ABL1: variants seen among roughly 807,000 people sequenced by gnomAD.
The protein encoded by ABL1 is ABL proto-oncogene 1, non-receptor tyrosine kinase, also known as tyrosine-protein kinase ABL1.
In ABL1, 11 loss-of-function variants were observed where a neutral mutation model predicts 94.7. That is an observed-to-expected ratio of 0.12 (90% confidence interval 0.07 to 0.19). The LOEUF is 0.19. Among genes scored for constraint, ABL1 ranks in the 10% least tolerant of loss-of-function variants. The probability of loss-of-function intolerance (pLI) is 1.00; values close to 1 mark genes in which losing one functional copy is unlikely to be tolerated. For missense variants in ABL1, 1,082 were observed against 1,489.4 expected, an observed-to-expected ratio of 0.73 and a Z score of 4.50; for synonymous variants, 656 against 622.4, an observed-to-expected ratio of 1.05 and a Z score of -0.80.
chr9:130,715,294 C>A (rs893567815), intron 1 of ABL1, among the ~76,000 whole-genome samples: 1 of 152,150 alleles, frequency 6.6e-6, no homozygotes, highest in South Asian at 2.1e-4. Context: ...ACTGTTGCAG[C>A]CTGACATTTT....
At chr9:130,836,256 G>A (rs756392644) in intron 1 of ABL1, among the ~76,000 whole-genome samples, 11 of 151,960 alleles carry the variant, frequency 7.2e-5, no homozygotes, top group Non-Finnish European at 1.2e-4. Flanking sequence ...GGGCCAGGAG[G>A]GCTTCACTTT....
chr9:130,781,932 C>T (rs1308158790), intron 1 of ABL1, among the ~76,000 whole-genome samples: 2 of 152,200 alleles, frequency 1.3e-5, no homozygotes, highest in Non-Finnish European at 2.9e-5. Flanking sequence ...TTAGCATTCA[C>T]ATATGCACAC....
intron 3 of ABL1, among the ~76,000 whole-genome samples, chr9:130,859,677 CTTTTTTTT>C (rs869234280): frequency 2.5e-5 from 2 of 78,458 alleles, no homozygotes; most frequent in Non-Finnish European, 2.3e-5. Context: ...TCTTTCTTTC[CTTTTTTTT>C]TTTTTTTTTT....
In ABL1 at chr9:130,886,383, A is replaced by G. The variant is rs1427538015; in HGVS notation, c.*700A>G. 4.3e-6 allele frequency: 1 copy of G among 233,848 alleles called. No individual in the cohort carries two copies. The highest frequency in any genetic ancestry group is 2.2e-5 in the African/African-American group (1 of 45,362). 14.5% of individuals were successfully genotyped at this position (233,848 alleles called of 1,614,324 possible). On this transcript the variant is annotated 3_prime_UTR_variant, in exon 11 of 11. Coordinates refer to ENST00000318560, the MANE Select transcript of ABL1 (RefSeq NM_005157.6). ...GGTGGGAGCTGAAAAGGATCGAGGC[A>G]TGGGGCATGTCCTTTCCATCTGTCC...
chr9:130,838,001 T>C (rs1425177803), intron 1 of ABL1, among the ~76,000 whole-genome samples: 2 of 152,248 alleles, frequency 1.3e-5, no homozygotes, highest in African/African-American at 2.4e-5. Flanking sequence ...TCAGCCTAGC[T>C]GTCAAAGCAA....
intron 1 of ABL1, among the ~76,000 whole-genome samples, chr9:130,735,959 ATATT>A (rs1311131361): frequency 3.4e-4 from 28 of 81,724 alleles, no homozygotes; most frequent in South Asian, 7.3e-4. Flanking sequence ...ATATATATAT[ATATT>A]TTTTTTTTTT....
intron 1 of ABL1, among the ~76,000 whole-genome samples, chr9:130,801,078 C>T (rs1283966734): frequency 2.6e-5 from 4 of 151,574 alleles, no homozygotes; most frequent in Non-Finnish European, 4.4e-5. Context: ...TACAGGGGCC[C>T]GCCACCACAC....
At chr9:130,780,960 G>A (rs1174515362) in intron 1 of ABL1, among the ~76,000 whole-genome samples, 1 of 152,208 alleles carries the variant, frequency 6.6e-6, no homozygotes, top group Non-Finnish European at 1.5e-5. Flanking sequence ...TAGCGACTCT[G>A]CAAATGGGTG....
chr9:130,766,889 T>C (rs956927023), intron 1 of ABL1, among the ~76,000 whole-genome samples: 7 of 152,180 alleles, frequency 4.6e-5, no homozygotes, highest in Non-Finnish European at 8.8e-5. Flanking sequence ...ATCTTTTCAC[T>C]ACCCAGTTTC....
At chr9:130,816,240 G>A (rs532205557) in intron 1 of ABL1, among the ~76,000 whole-genome samples, 1 of 152,250 alleles carries the variant, frequency 6.6e-6, no homozygotes, top group Non-Finnish European at 1.5e-5. Flanking sequence ...TGCCAGGAAG[G>A]TGCTTCCTCC....
At chr9:130,801,375 G>A (rs946277829) in intron 1 of ABL1, among the ~76,000 whole-genome samples, 8 of 151,814 alleles carry the variant, frequency 5.3e-5, no homozygotes, top group Admixed American at 3.9e-4. Flanking sequence ...CTACAGGTGC[G>A]TGCCACCACG....
chr9:130,849,687 T>G (rs1396672447), intron 1 of ABL1, among the ~76,000 whole-genome samples: 1 of 152,124 alleles, frequency 6.6e-6, no homozygotes, highest in Non-Finnish European at 1.5e-5. Context: ...CCGGCTAATT[T>G]GTGTATTTTT....
At chr9:130,753,219 T>C (rs2791735) in intron 1 of ABL1, among the ~76,000 whole-genome samples, 80,346 of 150,940 alleles carry the variant, frequency 0.53, 23,241 homozygotes, top group African/African-American at 0.77. Context: ...ATCGCGCCAC[T>C]GCACTCCAGC....
At chr9:130,731,303 G>A (rs374912314) in intron 1 of ABL1, among the ~76,000 whole-genome samples, 5 of 152,030 alleles carry the variant, frequency 3.3e-5, no homozygotes, top group South Asian at 2.1e-4. Flanking sequence ...CACTGCGTCC[G>A]GCTGCTTTTT....
At chr9:130,773,890 A>G (rs1832282845) in intron 1 of ABL1, among the ~76,000 whole-genome samples, 2 of 152,156 alleles carry the variant, frequency 1.3e-5, no homozygotes, top group African/African-American at 4.8e-5. Context: ...ACCACAATTA[A>G]GATAGTGAAA....
At chr9:130,839,482 C>T (rs1249032236) in intron 1 of ABL1, among the ~76,000 whole-genome samples, 1 of 152,196 alleles carries the variant, frequency 6.6e-6, no homozygotes, top group African/African-American at 2.4e-5. Context: ...GTGCTATTAA[C>T]ATTGTTGACC....
intron 1 of ABL1, among the ~76,000 whole-genome samples, chr9:130,740,505 G>C (rs1831802360): frequency 6.6e-6 from 1 of 152,226 alleles, no homozygotes; most frequent in Non-Finnish European, 1.5e-5. Context: ...GCCAGCTCTT[G>C]GCTCCATTTT....
chr9:130,854,329 C>G, intron 2 of ABL1, 92 bp downstream of exon 2: 6 of 1,434,192 alleles, frequency 4.2e-6, no homozygotes, highest in Non-Finnish European at 5.7e-6. Context: ...GTTAAAGGAG[C>G]AGCTTTGAAA....
chr9:130,798,720 G>C (rs1830013452), intron 1 of ABL1, among the ~76,000 whole-genome samples: 1 of 152,104 alleles, frequency 6.6e-6, no homozygotes. Flanking sequence ...TGTAATCCTG[G>C]GACTTTGGGA....
Sources: allele counts gnomAD v4.1 joint callset (sites outside exome capture counted in the v4.1 genomes callset), GRCh38; gene constraint gnomAD v4.1.1; transcripts MANE v1.5; gene names NCBI Gene and HGNC (gene_info 2026-07-23, HGNC 2026-07-21).